Variants in CD1E observed in about 807,000 individuals in gnomAD.
CD1E encodes T-cell surface glycoprotein CD1e, membrane-associated.
In CD1E, 49 loss-of-function variants were observed where a neutral mutation model predicts 40.1. That is an observed-to-expected ratio of 1.22 (90% CI 0.97 to 1.55). CD1E has a LOEUF of 1.55. Ranked by LOEUF, CD1E falls within the 40% of genes most tolerant of loss-of-function variation. CD1E has a pLI of 0.00. For synonymous variants in CD1E, 189 were observed against 178.3 expected (o/e 1.06, Z -0.48); for missense variants, 492 against 471.3 (o/e 1.04, Z -0.41).
chr1:158,356,740 C>A lies in CD1E; in HGVS notation c.1011C>A (p.Asn337Lys). The A allele has an allele frequency of 1.2e-6, 2 of 1,612,998 alleles. No homozygotes were observed. ...SRLKKQSSNK[N>K]ILSPHTPSPV... ...TCTTTTCCCACAGTTCAAATAAGAA[C>A]ATTCTTTCTCCCCACACACCCAGCC... is the stretch of plus-strand genomic sequence containing the variant. The change falls in exon 6 of 6, where the codon AAC becomes AAA. Residue 337 changes from asparagine to lysine, a missense_variant. Physicochemically the swap from Asn to Lys is moderately conservative, Grantham distance 94. Coordinates refer to ENST00000368167, the MANE Select transcript of CD1E (RefSeq NM_030893.4).
chr1:158,354,630 T>C lies in CD1E; in HGVS notation c.312T>C (p.Phe104=). 6.2e-7 allele frequency: 1 copy of C among 1,614,200 alleles called. No homozygotes were observed. The highest frequency in any genetic ancestry group is 1.3e-5 in the African/African-American group (1 of 75,058). ...TGTTCCAGTTATACTTCCATAGTTTTATCCAGATAGTGCAAGCTTCTGCTG... is the reference window on the plus strand; with the variant it reads ...TGTTCCAGTTATACTTCCATAGTTTCATCCAGATAGTGCAAGCTTCTGCTG... The part of the protein sequence containing the change: ...QSLFQLYFHS[F]IQIVQASAGQ... Residue 104 remains phenylalanine (F), a synonymous_variant, in exon 2 of 6, where the codon TTT becomes TTC. Coordinates refer to ENST00000368167, the MANE Select transcript of CD1E (RefSeq NM_030893.4).
Position 158,356,486 on chromosome 1 carries a change from A to G in CD1E, c.905-12A>G. 3 of 1,592,136 alleles carry G rather than the reference A, an allele frequency of 1.9e-6. No homozygotes were observed. Among genetic ancestry groups the G allele is most frequent in the East Asian group, 2.2e-5 (1 of 44,742 alleles). On this transcript the variant is annotated splice_polypyrimidine_tract_variant and intron_variant, in intron 4 of 5. Transcript: ENST00000368167. ...ATTTTAGGGTTGGTATTCTTATTCT[A>G]TCCCCAACCAGGTGGATATTCCATC... is the stretch of plus-strand genomic sequence containing the variant.
intron 2 of CD1E, 127 bp downstream of exon 2, chr1:158,354,800 A>C: frequency 1.3e-6 from 1 of 784,742 alleles, no homozygotes; most frequent in Non-Finnish European, 2.0e-6. Flanking sequence ...TCTGACTCCC[A>C]CTCCCTCCTC....
In CD1E at chr1:158,354,443, C is replaced by A. The variant is rs200658148; in HGVS notation, c.125C>A (p.Thr42Asn). 5 of 1,614,100 alleles carry A rather than the reference C, an allele frequency of 3.1e-6. No homozygotes were observed. Among genetic ancestry groups the A allele is most frequent in the African/African-American group, 1.3e-5 (1 of 75,028 alleles). ...EEQLSFRMLQTSSFANHSWAH... is the reference protein window; with the variant it reads ...EEQLSFRMLQNSSFANHSWAH... The stretch of plus-strand genomic sequence containing the variant: ...CAGCTGTCCTTCCGCATGCTCCAAA[C>A]TTCCTCCTTTGCCAACCACAGCTGG... The change falls in exon 2 of 6, where the codon ACT becomes AAT. Residue 42 changes from threonine to asparagine, a missense_variant. Coordinates refer to ENST00000368167, the MANE Select transcript of CD1E (RefSeq NM_030893.4).
At chr1:158,356,151 T>C in intron 4 of CD1E, 46 bp downstream of exon 4, 1 of 1,602,040 alleles carries the variant, frequency 6.2e-7, no homozygotes, top group Non-Finnish European at 8.5e-7. Flanking sequence ...AAAATAGCCC[T>C]GGGGCTTTTG....
rs1358423115 is a variant in CD1E, at chr1:158,355,892, C to T, written c.691C>T (p.His231Tyr). ...CCCTGGCCGTCTGCAGCTTGTGTGCCATGTCTCAGGATTCTACCCAAAGCC... is the reference window on the plus strand; with the variant it reads ...CCCTGGCCGTCTGCAGCTTGTGTGCTATGTCTCAGGATTCTACCCAAAGCC... ...PGPGRLQLVC[H>Y]VSGFYPKPVW... The change falls in exon 4 of 6, where the codon CAT becomes TAT. Residue 231 changes from histidine to tyrosine, a missense_variant. Transcript: ENST00000368167. 1.9e-6 allele frequency: 3 copies of T among 1,614,132 alleles called. No homozygotes were observed. Among genetic ancestry groups the T allele is most frequent in the East Asian group, 2.2e-5 (1 of 44,854 alleles).
chr1:158,355,812 T>A lies in CD1E; in HGVS notation c.626-15T>A. On this transcript the variant is annotated splice_polypyrimidine_tract_variant and intron_variant, in intron 3 of 5. Coordinates refer to ENST00000368167, the MANE Select transcript of CD1E (RefSeq NM_030893.4). ...CCTTCAAAATTCCATTTTTTTTCTA[T>A]CTTCTTCTTCCTAGTGAAGCCAGAG... 1 of 1,597,848 alleles carries A rather than the reference T, an allele frequency of 6.3e-7. No homozygotes were observed. The highest frequency in any genetic ancestry group is 8.5e-7 in the Non-Finnish European group (1 of 1,172,210).
Position 158,356,448 on chromosome 1 carries a change from G to C in CD1E, c.905-50G>C, listed in dbSNP as rs1410925978. ...CTTGTGAAATGGGAAATCTCAGCTT[G>C]GTGGAATAGAGTATTTTAGGGTTGG... On this transcript the variant is annotated intron_variant, in intron 4 of 5. Coordinates refer to ENST00000368167, the MANE Select transcript of CD1E (RefSeq NM_030893.4). 3 of 1,392,796 alleles carry C rather than the reference G, an allele frequency of 2.2e-6. No individual in the cohort carries two copies. The South Asian group carries it at 3.7e-5, about 17-fold the overall frequency. The allele number at this position is 1,392,796 out of a possible 1,614,324, so 86.3% of individuals were successfully genotyped here.
intron 2 of CD1E, 37 bp from the exon 3 acceptor site, chr1:158,355,263 C>T: frequency 6.3e-7 from 1 of 1,584,856 alleles, no homozygotes; most frequent in Admixed American, 1.7e-5. Context: ...CCTTGTCATT[C>T]TTTCCATAAT....
At position 158,357,009 on chromosome 1, in the gene CD1E, A is replaced by T; in HGVS notation, c.*113A>T. 1 of 825,908 alleles carries T rather than the reference A, an allele frequency of 1.2e-6. No individual in the cohort carries two copies. Among genetic ancestry groups the T allele is most frequent in the Non-Finnish European group, 1.9e-6 (1 of 524,458 alleles). 51.2% of individuals were successfully genotyped at this position (825,908 alleles called of 1,614,324 possible). On this transcript the variant is annotated 3_prime_UTR_variant, in exon 6 of 6. Coordinates refer to ENST00000368167, the MANE Select transcript of CD1E (RefSeq NM_030893.4). ...ACAGTTTATACTAGCAAAGATACTGACCCCTTTAGGAATACTTTTTCCCCA... is the reference window on the plus strand; with the variant it reads ...ACAGTTTATACTAGCAAAGATACTGTCCCCTTTAGGAATACTTTTTCCCCA...
rs953777542 is a variant in CD1E, at chr1:158,355,964, C to T, written c.763C>T (p.Gln255Ter). Residue 255 changes from glutamine to a stop codon, truncating the protein, a stop_gained, in exon 4 of 6, where the codon CAG (glutamine) becomes TAG (stop). Coordinates refer to ENST00000368167, the MANE Select transcript of CD1E (RefSeq NM_030893.4). LOFTEE classifies it high-confidence loss of function. Reference sequence around the variant, plus strand: ...GGGTGAGCAGGAGCAGCGGGGCACTCAGCGAGGGGACGTCCTGCCTAATGC... The same window carrying T: ...GGGTGAGCAGGAGCAGCGGGGCACTTAGCGAGGGGACGTCCTGCCTAATGC... ...MRGEQEQRGT[Q>*]RGDVLPNADE... is the part of the protein sequence containing the mutation. 2 of 1,614,112 alleles carry T rather than the reference C, an allele frequency of 1.2e-6. No individual in the cohort carries two copies. The highest frequency in any genetic ancestry group is 1.1e-5 in the South Asian group (1 of 91,080).
Position 158,354,315 on chromosome 1 carries a change from C to T in CD1E, c.59-62C>T, listed in dbSNP as rs1050339212. ...TCTCATCTCTGGGTTCCTTTTTTCC[C>T]TTTGGCATCACTTTTCCCATCCCTT... On this transcript the variant is annotated intron_variant, in intron 1 of 5. Coordinates refer to ENST00000368167, the MANE Select transcript of CD1E (RefSeq NM_030893.4). 11 of 1,489,384 alleles carry T rather than the reference C, an allele frequency of 7.4e-6. No individual in the cohort carries two copies. The Admixed American group carries it at 1.8e-4, about 24-fold the overall frequency. The allele number at this position is 1,489,384 out of a possible 1,614,324, so 92.3% of individuals were successfully genotyped here.
intron 4 of CD1E, 130 bp from the exon 5 acceptor site, chr1:158,356,368 G>A: frequency 2.4e-6 from 2 of 818,650 alleles, no homozygotes; most frequent in African/African-American, 1.7e-5. Context: ...GGATCAGGAG[G>A]AATTGAAATG....
Position 158,355,506 on chromosome 1 carries a change from C to A in CD1E, c.562C>A (p.His188Asn). Reference protein sequence around the residue: ...IKEILQSLLGHTCPRFLAGLM... With the variant: ...IKEILQSLLGNTCPRFLAGLM... Reference sequence around the variant, plus strand: ...GGAAATACTGCAAAGCCTTCTTGGTCACACCTGCCCTCGATTTCTAGCGGG... The same window carrying A: ...GGAAATACTGCAAAGCCTTCTTGGTAACACCTGCCCTCGATTTCTAGCGGG... Residue 188 changes from histidine to asparagine, a missense_variant, in exon 3 of 6, where the codon CAC becomes AAC. Coordinates refer to ENST00000368167, the MANE Select transcript of CD1E (RefSeq NM_030893.4). The A allele has an allele frequency of 6.2e-7, 1 of 1,614,166 alleles. No homozygotes were observed. The highest frequency in any genetic ancestry group is 8.5e-7 in the Non-Finnish European group (1 of 1,180,034).
At position 158,356,985 on chromosome 1, in the gene CD1E, C is replaced by T. The variant is rs1452687190; in HGVS notation, c.*89C>T. The T allele has an allele frequency of 9.1e-7, 1 of 1,099,722 alleles. No homozygotes were observed. Among genetic ancestry groups the T allele is most frequent in the Non-Finnish European group, 1.4e-6 (1 of 731,078 alleles). 68.1% of individuals were successfully genotyped at this position (1,099,722 alleles called of 1,614,324 possible). On this transcript the variant is annotated 3_prime_UTR_variant, in exon 6 of 6. Coordinates refer to ENST00000368167, the MANE Select transcript of CD1E (RefSeq NM_030893.4). ...TAAGGGAAGCATGCTTTTATTTAAA[C>T]AGTTTATACTAGCAAAGATACTGAC... is the stretch of plus-strand genomic sequence containing the variant.
rs377463649 is a variant in CD1E at position 158,354,364 on chromosome 1, C to A, written c.59-13C>A. ...TTTACATTCTCTCTACTTGTCATTT[C>A]CCTCTCTCTCAGCTCCCCAGGCTCT... On this transcript the variant is annotated splice_polypyrimidine_tract_variant and intron_variant, in intron 1 of 5. Transcript: ENST00000368167. 6 of 1,573,248 alleles carry A rather than the reference C, an allele frequency of 3.8e-6. No individual in the cohort carries two copies. The highest frequency in any genetic ancestry group is 5.2e-6 in the Non-Finnish European group (6 of 1,161,578).
chr1:158,357,193 C>A lies in CD1E; in HGVS notation c.*297C>A. ...TTGAACTGATCTTCACAAGCACATT[C>A]ATCTCTTCCTACTCTGAACAGTAGT... On this transcript the variant is annotated 3_prime_UTR_variant, in exon 6 of 6. Coordinates refer to ENST00000368167, the MANE Select transcript of CD1E (RefSeq NM_030893.4). 1 of 258,504 alleles carries A rather than the reference C, an allele frequency of 3.9e-6. No individual in the cohort carries two copies. Among genetic ancestry groups the A allele is most frequent in the Non-Finnish European group, 7.4e-6 (1 of 134,766 alleles). 16.0% of individuals were successfully genotyped at this position (258,504 alleles called of 1,614,324 possible).
chr1:158,356,669 C>A, intron 5 of CD1E, 59 bp from the exon 6 acceptor site: 11 of 1,298,310 alleles, frequency 8.5e-6, no homozygotes, highest in South Asian at 3.1e-5. Context: ...TTTTTTTTTT[C>A]TCTGCCTTTC....
In CD1E at chr1:158,356,898, A is replaced by T; in HGVS notation, c.*2A>T. 6.2e-7 allele frequency: 1 copy of T among 1,613,340 alleles called. No individual in the cohort carries two copies. The highest frequency in any genetic ancestry group is 1.1e-5 in the South Asian group (1 of 91,052). On this transcript the variant is annotated 3_prime_UTR_variant, in exon 6 of 6. Transcript: ENST00000368167. ...ACACGCCTAAACCAACTCTGGTGAC[A>T]TTTGCTTTACCTTATACATAAAATC...
Sources: allele counts gnomAD v4.1 joint callset, GRCh38; gene constraint gnomAD v4.1.1; transcripts MANE v1.5; gene names NCBI Gene and HGNC (gene_info 2026-07-23, HGNC 2026-07-21).